Variants in SEMA6B observed in about 807,000 individuals in gnomAD.
SEMA6B encodes the protein semaphorin-6B.
In SEMA6B, 47 loss-of-function variants were observed where a neutral mutation model predicts 78.6. The observed-to-expected ratio is 0.60, with a 90% CI of 0.47 to 0.76. SEMA6B has a LOEUF of 0.76. Among genes scored for constraint, SEMA6B ranks in the 30% least tolerant of loss-of-function variants. The pLI is 0.00. For missense variants in SEMA6B, 1,213 were observed against 1,269.9 expected, an observed-to-expected ratio of 0.96 and a Z score of 0.68; for synonymous variants, 632 against 592.2, an observed-to-expected ratio of 1.07 and a Z score of -0.98.
chr19:4,550,355 G>T lies in SEMA6B; in HGVS notation c.1122-83C>A. ...ATTCACCAGAGGTACCCATTGCTTT[G>T]CCCAACGACCCTCAGGTTTTTTGTT... On this transcript the variant is annotated intron_variant, in intron 11 of 16. Transcript: ENST00000586582. The surrounding 1 kb of genome is among the most constrained non-coding windows in gnomAD (Gnocchi z 6.6). 6.9e-7 allele frequency: 1 copy of T among 1,457,520 alleles called. No homozygotes were observed. The highest frequency in any genetic ancestry group is 9.5e-7 in the Non-Finnish European group (1 of 1,054,774). The allele number at this position is 1,457,520 out of a possible 1,614,324, so 90.3% of individuals were successfully genotyped here. A position where few individuals can be genotyped will look rare whatever the true frequency, so the allele number is the denominator to read the frequency against.
intron 13 of SEMA6B, 43 bp from the exon 14 acceptor site, chr19:4,548,216 A>G: frequency 6.3e-7 from 1 of 1,590,274 alleles, no homozygotes; most frequent in Non-Finnish European, 8.6e-7. Flanking sequence ...ATCTCAGCCC[A>G]TCTCCCCTCC....
rs915747748 is a variant in SEMA6B at position 4,550,738 on chromosome 19, C to G, written c.1121+61G>C. On this transcript the variant is annotated intron_variant, in intron 11 of 16. Coordinates refer to ENST00000586582, the MANE Select transcript of SEMA6B (RefSeq NM_032108.4). This position sits in a 1 kb window ranked among gnomAD's most constrained non-coding sequence, Gnocchi z 6.6. ...AAATAACCACCCGGAAGCCCCAGCC[C>G]TCGGCCCTGGGGATCAGGACCTCAT... The G allele has an allele frequency of 8.8e-6, 14 of 1,594,234 alleles. No homozygotes were observed. In the Admixed American group the frequency reaches 1.9e-4, roughly 21 times the overall value.
At chr19:4,547,899 C>T (rs752872809) in intron 14 of SEMA6B, 128 bp downstream of exon 14, 12 of 1,238,196 alleles carry the variant, frequency 9.7e-6, no homozygotes, top group South Asian at 1.8e-5. Flanking sequence ...GGCCTTTGCA[C>T]GGGCCATGCC....
intron 10 of SEMA6B, among the ~76,000 whole-genome samples, chr19:4,551,896 C>A (rs181070134): frequency 4.6e-4 from 70 of 152,136 alleles, no homozygotes; most frequent in African/African-American, 1.5e-3. Flanking sequence ...ATCCCTCTTG[C>A]TCTTCACTCT....
At position 4,558,707 on chromosome 19, in the gene SEMA6B, G is replaced by A. The variant is rs1461698823; in HGVS notation, c.-32-218C>T. ...ACGTGTGCGTGAAAGCCCAGGAAAC[G>A]ACTTCAAACAAAACTGCATTCGGTA... is the stretch of plus-strand genomic sequence containing the variant. On this transcript the variant is annotated intron_variant, in intron 1 of 16. Coordinates refer to ENST00000586582, the MANE Select transcript of SEMA6B (RefSeq NM_032108.4). The surrounding 1 kb of genome is among the most constrained non-coding windows in gnomAD (Gnocchi z 5.1). 2.0e-5 allele frequency among the ~76,000 whole-genome samples: 3 copies of A among 152,120 alleles called. No individual in the cohort carries two copies. Among genetic ancestry groups the A allele is most frequent in the African/African-American group, 4.8e-5 (2 of 41,428 alleles).
At position 4,548,184 on chromosome 19, in the gene SEMA6B, G is replaced by C; in HGVS notation, c.1455-11C>G. The C allele has an allele frequency of 1.3e-6, 2 of 1,588,196 alleles. No individual in the cohort carries two copies. The highest frequency in any genetic ancestry group is 1.7e-4 in the Middle Eastern group (1 of 5,968). On this transcript the variant is annotated splice_polypyrimidine_tract_variant and intron_variant, in intron 13 of 16. Coordinates refer to ENST00000586582, the MANE Select transcript of SEMA6B (RefSeq NM_032108.4). ...CCGGGCCGTCCACACCTGGGGACAA[G>C]CAGAGTGGTGAGGCTGAGCGCATCT...
intron 15 of SEMA6B, 44 bp from the exon 16 acceptor site, chr19:4,546,318 G>A: frequency 1.2e-6 from 2 of 1,607,538 alleles, no homozygotes; most frequent in Non-Finnish European, 1.7e-6. Flanking sequence ...CCCTCTCACA[G>A]TCAGAGATCA....
At chr19:4,551,014 G>T (rs763583924) in intron 10 of SEMA6B, 84 bp from the exon 11 acceptor site, 1 of 1,492,494 alleles carries the variant, frequency 6.7e-7, no homozygotes, top group Non-Finnish European at 9.2e-7. Context: ...TCTGTCTGCA[G>T]GAGCCAGTGA....
Position 4,552,448 on chromosome 19 carries a change from C to T in SEMA6B, c.963G>A (p.Leu321=). The T allele has an allele frequency of 6.3e-7, 1 of 1,597,318 alleles. No homozygotes were observed. The highest frequency in any genetic ancestry group is 8.5e-7 in the Non-Finnish European group (1 of 1,172,666). Residue 321 remains leucine (L), a synonymous_variant, in exon 10 of 17, where the codon CTG becomes CTA. Transcript: ENST00000586582. The surrounding 1 kb of genome is among the most constrained non-coding windows in gnomAD (Gnocchi z 7.4). ...TGTTGCTGGGCGTGGAAAAAACGGC[C>T]AGGACCACGGGCCGGCCCCCGAGGC... ...VVSLGGRPVV[L]AVFSTPSNSI...
chr19:4,557,105 C>A (rs1599783523), intron 4 of SEMA6B, 58 bp downstream of exon 4: 15 of 1,587,220 alleles, frequency 9.5e-6, no homozygotes, highest in Non-Finnish European at 1.3e-5. Flanking sequence ...AGCTCCCCGG[C>A]GCAGTGCCGC....
At position 4,550,301 on chromosome 19, in the gene SEMA6B, G is replaced by T; in HGVS notation, c.1122-29C>A. The T allele has an allele frequency of 1.2e-6, 2 of 1,610,592 alleles. No homozygotes were observed. Among genetic ancestry groups the T allele is most frequent in the South Asian group, 2.2e-5 (2 of 91,012 alleles). ...GGGGTGACAAGGGTGTGGTCAGGAC[G>T]AACGTAAAGGTTCTCATAAAGGGGC... On this transcript the variant is annotated intron_variant, in intron 11 of 16. Transcript: ENST00000586582. This position sits in a 1 kb window ranked among gnomAD's most constrained non-coding sequence, Gnocchi z 6.6.
chr19:4,544,150 C>A lies in SEMA6B; in HGVS notation c.2118G>T (p.Leu706=). The A allele has an allele frequency of 4.7e-6, 6 of 1,273,160 alleles. No homozygotes were observed. Among genetic ancestry groups the A allele is most frequent in the Non-Finnish European group, 5.9e-6 (6 of 1,011,822 alleles). The allele number at this position is 1,273,160 out of a possible 1,614,324, so 78.9% of individuals were successfully genotyped here. A position where few individuals can be genotyped will look rare whatever the true frequency, so the allele number is the denominator to read the frequency against. The change falls in exon 17 of 17, where the codon CTG becomes CTT. Residue 706 remains leucine (L), a synonymous_variant. Transcript: ENST00000586582. The surrounding 1 kb of genome is among the most constrained non-coding windows in gnomAD (Gnocchi z 5.1). ...GCGGCGTCTGCTCGGGCGTGGGCAG[C>A]AGCCCCGAGTCCAGGTCGTGGGGCC... ...QGGPHDLDSG[L]LPTPEQTPLP...
At chr19:4,546,034 G>A (rs1274408731) in intron 16 of SEMA6B, 182 bp downstream of exon 16, 17 of 553,870 alleles carry the variant, frequency 3.1e-5, no homozygotes, top group Non-Finnish European at 4.4e-5. Flanking sequence ...GCCTCCCAAA[G>A]TGCTGGGATT....
At chr19:4,551,695 G>GGT in intron 10 of SEMA6B, among the ~76,000 whole-genome samples, 1 of 152,008 alleles carries the variant, frequency 6.6e-6, no homozygotes, top group Admixed American at 6.5e-5. Context: ...TGGGTGTGGT[G>GGT]GCGCACGCCT....
At chr19:4,546,841 C>A (rs1977181672) in intron 14 of SEMA6B, among the ~76,000 whole-genome samples, 1 of 152,022 alleles carries the variant, frequency 6.6e-6, no homozygotes, top group African/African-American at 2.4e-5. Context: ...GTCTTGAACT[C>A]CTGACCTCAA....
Position 4,542,655 on chromosome 19 carries a change from A to C in SEMA6B, c.*946T>G, listed in dbSNP as rs1487770915. The C allele has an allele frequency of 1.7e-6, 1 of 599,516 alleles. No homozygotes were observed. The highest frequency in any genetic ancestry group is 3.1e-6 in the Non-Finnish European group (1 of 326,114). 37.1% of individuals were successfully genotyped at this position (599,516 alleles called of 1,614,324 possible). A position where few individuals can be genotyped will look rare whatever the true frequency, so the allele number is the denominator to read the frequency against. On this transcript the variant is annotated 3_prime_UTR_variant, in exon 17 of 17. Transcript: ENST00000586582. ...GGGGGAGGCAAACTCCAGAGAGGGC[A>C]GAGGACCCAGCCAGCCACGTGGCAT...
Position 4,550,345 on chromosome 19 carries a change from C to A in SEMA6B, c.1122-73G>T. Reference sequence around the variant, plus strand: ...AAGGGGCCTGATTCACCAGAGGTACCCATTGCTTTGCCCAACGACCCTCAG... The same window carrying A: ...AAGGGGCCTGATTCACCAGAGGTACACATTGCTTTGCCCAACGACCCTCAG... On this transcript the variant is annotated intron_variant, in intron 11 of 16. Transcript: ENST00000586582. The surrounding 1 kb of genome is among the most constrained non-coding windows in gnomAD (Gnocchi z 6.6). 6.6e-7 allele frequency: 1 copy of A among 1,523,774 alleles called. No homozygotes were observed. Among genetic ancestry groups the A allele is most frequent in the South Asian group, 1.1e-5 (1 of 88,386 alleles). The allele number at this position is 1,523,774 out of a possible 1,614,324, so 94.4% of individuals were successfully genotyped here. A position where few individuals can be genotyped will look rare whatever the true frequency, so the allele number is the denominator to read the frequency against.
intron 9 of SEMA6B, among the ~76,000 whole-genome samples, chr19:4,553,764 G>T (rs1977398346): frequency 1.5e-5 from 2 of 135,068 alleles, no homozygotes; most frequent in African/African-American, 3.0e-5. Flanking sequence ...TGGTGGATGG[G>T]TAGATAAATG....
At chr19:4,545,646 G>A (rs1977144881) in intron 16 of SEMA6B, 1 of 152,166 alleles carries the variant, frequency 6.6e-6, no homozygotes, top group African/African-American at 2.4e-5. Flanking sequence ...GGCCCCTTCT[G>A]TCCTGTTGAA....
Sources: allele counts gnomAD v4.1 joint callset (sites outside exome capture counted in the v4.1 genomes callset), GRCh38; gene constraint gnomAD v4.1.1; non-coding constraint Gnocchi (gnomAD v3.1); transcripts MANE v1.5; gene names NCBI Gene and HGNC (gene_info 2026-07-23, HGNC 2026-07-21).